STIM1: variants seen among roughly 807,000 people sequenced by gnomAD.
The protein encoded by STIM1 is stromal interaction molecule 1.
STIM1 carries 25 observed loss-of-function variants against 74.7 expected under a neutral mutation model. The ratio of observed to expected loss-of-function variants is 0.33; its 90% CI spans 0.24 to 0.47. STIM1 has a LOEUF of 0.47. Among genes scored for constraint, STIM1 ranks in the 20% least tolerant of loss-of-function variants. The pLI, the probability that STIM1 is intolerant of heterozygous loss-of-function variation, is 1.00. For missense variants in STIM1, 728 were observed against 920.8 expected, an observed-to-expected ratio of 0.79 and a Z score of 2.71; for synonymous variants, 328 against 348.8, an observed-to-expected ratio of 0.94 and a Z score of 0.66.
At chr11:3,878,688 T>C (rs2091387378) in intron 1 of STIM1, among the ~76,000 whole-genome samples, 1 of 152,206 alleles carries the variant, frequency 6.6e-6, no homozygotes, top group Admixed American at 6.5e-5. Flanking sequence ...GCAGGGCTTA[T>C]GTCTTACCTA....
intron 2 of STIM1, chr11:3,972,882 A>G: frequency 2.0e-6 from 1 of 490,816 alleles, no homozygotes; most frequent in Admixed American, 2.1e-5. Context: ...TATAGAATCC[A>G]GAGCTTCTGC....
intron 1 of STIM1, among the ~76,000 whole-genome samples, chr11:3,940,468 A>G (rs558509209): frequency 6.6e-6 from 1 of 152,358 alleles, no homozygotes; most frequent in South Asian, 2.1e-4. Flanking sequence ...GCAAGTTAAC[A>G]TAATTCTCTG....
At chr11:3,873,332 C>T (rs923932923) in intron 1 of STIM1, among the ~76,000 whole-genome samples, 3 of 150,470 alleles carry the variant, frequency 2.0e-5, no homozygotes, top group African/African-American at 7.4e-5. Context: ...GCAGGAGAAT[C>T]GCTTGAACCC....
chr11:3,860,136 A>G (rs541746589), intron 1 of STIM1, among the ~76,000 whole-genome samples: 58 of 152,342 alleles, frequency 3.8e-4, no homozygotes, highest in African/African-American at 1.4e-3. Flanking sequence ...CATGGAAGAA[A>G]TAAACAGGAT....
chr11:3,893,566 T>C (rs2135387543), intron 1 of STIM1, among the ~76,000 whole-genome samples: 1 of 152,310 alleles, frequency 6.6e-6, no homozygotes. Flanking sequence ...AATATCTACA[T>C]GTTTACTTCC....
At chr11:3,881,459 C>T (rs1022729737) in intron 1 of STIM1, among the ~76,000 whole-genome samples, 2 of 151,886 alleles carry the variant, frequency 1.3e-5, no homozygotes, top group Admixed American at 1.3e-4. Context: ...CCAGCTCCGC[C>T]TCCCGGGTTC....
chr11:4,081,891 T>C (rs1201605436), intron 7 of STIM1, among the ~76,000 whole-genome samples: 1 of 152,232 alleles, frequency 6.6e-6, no homozygotes, highest in Non-Finnish European at 1.5e-5. Context: ...GGAAGACTGC[T>C]GGAACTTGCT....
intron 1 of STIM1, among the ~76,000 whole-genome samples, chr11:3,893,268 GGA>G: frequency 6.6e-6 from 1 of 152,232 alleles, no homozygotes; most frequent in African/African-American, 2.4e-5. Flanking sequence ...CAGCATAGAT[GGA>G]CAGGGATGCT....
chr11:4,076,328 A>C (rs2094436814), intron 7 of STIM1, among the ~76,000 whole-genome samples: 2 of 151,782 alleles, frequency 1.3e-5, no homozygotes, highest in Admixed American at 6.6e-5. Context: ...TGTACTAAAA[A>C]TACAAAAATT....
At chr11:4,008,810 G>C (rs2093807211) in intron 2 of STIM1, among the ~76,000 whole-genome samples, 1 of 152,084 alleles carries the variant, frequency 6.6e-6, no homozygotes, top group Non-Finnish European at 1.5e-5. Context: ...CATGGGGAGA[G>C]CATGGAAACT....
chr11:3,989,445 G>C lies in STIM1; in HGVS notation c.270+21763G>C, dbSNP rs1182090269. ...CCTTGGCGGCCCCTTCCGCGGAGCTGACCTTGCTCTTAGGCATCCTGGCGG... is the reference window on the plus strand; with the variant it reads ...CCTTGGCGGCCCCTTCCGCGGAGCTCACCTTGCTCTTAGGCATCCTGGCGG... On this transcript the variant is annotated intron_variant, in intron 2 of 12. Coordinates refer to ENST00000526596, the MANE Select transcript of STIM1 (RefSeq NM_001382567.1). The C allele has an allele frequency of 1.3e-5, 9 of 711,152 alleles. 1 individual carries two copies. Among genetic ancestry groups the C allele is most frequent in the South Asian group, 8.3e-5 (6 of 71,928 alleles). The allele number at this position is 711,152 out of a possible 1,614,324, so 44.1% of individuals were successfully genotyped here. A position where few individuals can be genotyped will look rare whatever the true frequency, so the allele number is the denominator to read the frequency against.
chr11:4,020,156 G>T (rs141879854), intron 2 of STIM1, among the ~76,000 whole-genome samples: 241 of 152,288 alleles, frequency 1.6e-3, no homozygotes, highest in African/African-American at 5.4e-3. Flanking sequence ...TGAATGGTAT[G>T]CTGTTGTGTA....
intron 1 of STIM1, among the ~76,000 whole-genome samples, chr11:3,910,480 G>A (rs549559808): frequency 2.0e-5 from 3 of 152,268 alleles, no homozygotes; most frequent in Non-Finnish European, 1.5e-5. Flanking sequence ...TGCAGTCCCA[G>A]CTACTCAGGA....
chr11:4,092,017 C>T lies in STIM1; in HGVS notation c.*219C>T. On this transcript the variant is annotated 3_prime_UTR_variant, in exon 13 of 13. Transcript: ENST00000526596. Reference sequence around the variant, plus strand: ...CCTGCCTGCCCTGCCTCCGTCCCAACCATGGGCTGCTGCTGTCACTCCCTC... The same window carrying T: ...CCTGCCTGCCCTGCCTCCGTCCCAATCATGGGCTGCTGCTGTCACTCCCTC... 1 of 637,754 alleles carries T rather than the reference C, an allele frequency of 1.6e-6. No individual in the cohort carries two copies. 39.5% of individuals were successfully genotyped at this position (637,754 alleles called of 1,614,324 possible).
intron 1 of STIM1, among the ~76,000 whole-genome samples, chr11:3,953,806 A>G (rs1040085980): frequency 2.9e-5 from 4 of 137,850 alleles, no homozygotes; most frequent in African/African-American, 1.1e-4. Flanking sequence ...TTTTTGAGAC[A>G]GGGTCTTGCT....
intron 3 of STIM1, among the ~76,000 whole-genome samples, chr11:4,038,280 C>G (rs1351003373): frequency 2.0e-5 from 3 of 152,232 alleles, no homozygotes; most frequent in Admixed American, 6.5e-5. Context: ...GGTGATCCGC[C>G]TACCTCGGCT....
chr11:4,091,161 C>G (rs1039137768), intron 12 of STIM1, 121 bp from the exon 13 acceptor site: 2 of 1,376,582 alleles, frequency 1.5e-6, no homozygotes, highest in Admixed American at 1.7e-5. Flanking sequence ...TCCTGCCGCT[C>G]TATCCCCATT....
chr11:4,057,888 A>G (rs964040716), intron 4 of STIM1, among the ~76,000 whole-genome samples: 3 of 151,666 alleles, frequency 2.0e-5, no homozygotes, highest in African/African-American at 7.3e-5. Flanking sequence ...AAAAAAAAAG[A>G]AAGTGACACT....
intron 1 of STIM1, among the ~76,000 whole-genome samples, chr11:3,964,980 C>T (rs1230571687): frequency 2.0e-5 from 3 of 152,206 alleles, no homozygotes; most frequent in Non-Finnish European, 4.4e-5. Flanking sequence ...CCACTTCAGC[C>T]TCCCAAAGTG....
Sources: gnomAD v4.1 joint callset for allele counts (sites outside exome capture counted in the v4.1 genomes callset) on GRCh38, gnomAD v4.1.1 for gene constraint, MANE v1.5 for transcripts, NCBI Gene and HGNC (gene_info 2026-07-23, HGNC 2026-07-21) for gene names.